HAVCR1: variants seen among roughly 807,000 people sequenced by gnomAD.
The protein encoded by HAVCR1 is hepatitis A virus cellular receptor 1.
A neutral mutation model predicts 32.0 loss-of-function variants in HAVCR1; 34 were observed. That is an observed-to-expected ratio of 1.06 (90% CI 0.81 to 1.42). HAVCR1 has a LOEUF of 1.42. Ranked by LOEUF, HAVCR1 falls within the 40% of genes most tolerant of loss-of-function variation. The pLI is 0.00. For synonymous variants in HAVCR1, 178 were observed against 170.3 expected (o/e 1.05, Z -0.35); for missense variants, 420 against 442.3 (o/e 0.95, Z 0.45).
intron 5 of HAVCR1, among the ~76,000 whole-genome samples, chr5:157,047,661 C>T (rs1755485515): frequency 6.6e-6 from 1 of 152,162 alleles, no homozygotes; most frequent in African/African-American, 2.4e-5. Context: ...GAACCCTTTC[C>T]CATATACCTC....
intron 4 of HAVCR1, among the ~76,000 whole-genome samples, chr5:157,051,882 G>GCAT (rs1328045318): frequency 6.6e-6 from 1 of 152,200 alleles, no homozygotes; most frequent in Non-Finnish European, 1.5e-5. Context: ...AATGCATGAG[G>GCAT]CATGGTGCCT....
At chr5:157,032,928 C>T (rs1239831706) in intron 7 of HAVCR1, 41 bp from the exon 8 acceptor site, 1 of 1,180,154 alleles carries the variant, frequency 8.5e-7, no homozygotes, top group African/African-American at 1.6e-5. Flanking sequence ...GAAGAGAAAA[C>T]TAAACATCTC....
At chr5:157,032,918 G>A in intron 7 of HAVCR1, 31 bp from the exon 8 acceptor site, 1 of 1,424,490 alleles carries the variant, frequency 7.0e-7, no homozygotes, top group Non-Finnish European at 9.6e-7. Context: ...GAGAGGAGTT[G>A]AAGAGAAAAC....
Position 157,055,188 on chromosome 5 carries a change from A to C in HAVCR1, c.379+13T>G. On this transcript the variant is annotated intron_variant, in intron 3 of 8. Coordinates refer to ENST00000523175, the MANE Select transcript of HAVCR1 (RefSeq NM_001173393.3). The stretch of plus-strand genomic sequence containing the variant: ...TTCAATTAACTAGCAAGAAATATCA[A>C]AGAAAAACTTACGTGGCACAATCTC... The C allele has an allele frequency of 1.4e-6, 2 of 1,394,452 alleles. No individual in the cohort carries two copies. The highest frequency in any genetic ancestry group is 2.0e-6 in the Non-Finnish European group (2 of 1,023,906). 86.4% of individuals were successfully genotyped at this position (1,394,452 alleles called of 1,614,324 possible). A position where few individuals can be genotyped will look rare whatever the true frequency, so the allele number is the denominator to read the frequency against.
chr5:157,064,339 C>CAAAAAAAAAAAAAAAAAAAA, the HAVCR1 span, among the ~76,000 whole-genome samples: 1 of 63,384 alleles, frequency 1.6e-5, no homozygotes, highest in African/African-American at 4.5e-5. Flanking sequence ...CCTGTCTCTA[C>CAAAAAAAAAAAAAAAAAAAA]AAAAAAAAAA....
upstream of HAVCR1, among the ~76,000 whole-genome samples, chr5:157,060,638 T>TGGAGTTATTCTGGTAAC (rs1448958486): frequency 6.6e-6 from 1 of 152,108 alleles, no homozygotes; most frequent in Non-Finnish European, 1.5e-5. Flanking sequence ...ATTTTAGTAA[T>TGGAGTTATTCTGGTAAC]GGAGTTATTC....
At chr5:157,066,055 T>TAAAAAAAAAAAAAAAAAAAA in the HAVCR1 span, among the ~76,000 whole-genome samples, 103 of 66,868 alleles carry the variant, frequency 1.5e-3, 4 homozygotes, top group East Asian at 3.7e-3. Flanking sequence ...GACTCCGTCT[T>TAAAAAAAAAAAAAAAAAAAA]AAAAAAAAAA....
At chr5:157,030,205 C>T (rs1265453112) in intron 8 of HAVCR1, among the ~76,000 whole-genome samples, 2 of 152,208 alleles carry the variant, frequency 1.3e-5, no homozygotes, top group Non-Finnish European at 2.9e-5. Flanking sequence ...TGTGGCTAAG[C>T]ATTGGATGAC....
At position 157,055,274 on chromosome 5, in the gene HAVCR1, T is replaced by C. The variant is rs1244870397; in HGVS notation, c.306A>G (p.Val102=). The C allele has an allele frequency of 1.9e-6, 3 of 1,613,002 alleles. No homozygotes were observed. The African/African-American group carries it at 4.0e-5, about 22-fold the overall frequency. ...CACGGTGCTCAACACGGCAACAATA[T>C]ACGCCACTGTCAGACACAGCTGTAT... ...IENTAVSDSG[V]YCCRVEHRGW... Residue 102 remains valine, a synonymous_variant, in exon 3 of 9, where the codon GTA becomes GTG. Coordinates refer to ENST00000523175, the MANE Select transcript of HAVCR1 (RefSeq NM_001173393.3).
At chr5:157,042,501 C>T (rs1313475843) in intron 6 of HAVCR1, 126 bp downstream of exon 6, 1 of 460,022 alleles carries the variant, frequency 2.2e-6, no homozygotes, top group South Asian at 3.4e-5. Context: ...TTTTCTTCAA[C>T]TTTTTTTTAA....
intron 5 of HAVCR1, among the ~76,000 whole-genome samples, chr5:157,048,131 G>A (rs1476875975): frequency 6.6e-6 from 1 of 152,202 alleles, no homozygotes; most frequent in Non-Finnish European, 1.5e-5. Context: ...AGCCCCATCT[G>A]AGAATGCTCA....
the HAVCR1 span, among the ~76,000 whole-genome samples, chr5:157,065,450 G>T: frequency 1.8e-4 from 27 of 152,358 alleles, no homozygotes; most frequent in South Asian, 3.1e-3. Context: ...CAAGCATGTT[G>T]ACTCATGCAG....
chr5:157,048,387 T>G (rs7706174), intron 5 of HAVCR1, among the ~76,000 whole-genome samples: 36,139 of 152,168 alleles, frequency 0.24, 4,698 homozygotes, highest in African/African-American at 0.34. Flanking sequence ...ATCTGTGCAG[T>G]CAGGCATTTG....
At chr5:157,053,388 AAAAAAAG>A (rs754479064) in intron 3 of HAVCR1, among the ~76,000 whole-genome samples, 5 of 151,136 alleles carry the variant, frequency 3.3e-5, no homozygotes, top group Non-Finnish European at 7.4e-5. Flanking sequence ...GTCTTAAAAA[AAAAAAAG>A]AAAAAAAGAA....
rs1352823879 is a variant in HAVCR1, at chr5:157,053,652, C to G, written c.380-998G>C. 2.6e-5 allele frequency among the ~76,000 whole-genome samples: 4 copies of G among 150,976 alleles called. No individual in the cohort carries two copies. The East Asian group carries it at 7.9e-4, about 30-fold the overall frequency. On this transcript the variant is annotated intron_variant, in intron 3 of 8. Transcript: ENST00000523175. ...TGGGAGGCCGAGGCGGGTAGACTGC[C>G]TGAGGTCAGGAGTTTGAGACCAGCT... is the stretch of plus-strand genomic sequence containing the variant.
intron 6 of HAVCR1, 106 bp from the exon 7 acceptor site, chr5:157,037,467 G>T: frequency 1.6e-6 from 1 of 635,426 alleles, no homozygotes. Context: ...ATTGGTGCTT[G>T]GGGACTTCTG....
chr5:157,034,805 C>A (rs895805468), intron 7 of HAVCR1, among the ~76,000 whole-genome samples: 1 of 131,552 alleles, frequency 7.6e-6, no homozygotes, highest in African/African-American at 2.6e-5. Flanking sequence ...CAGCCCTAAT[C>A]CATTAAACCT....
At chr5:157,030,000 G>A (rs1034097846) in intron 8 of HAVCR1, among the ~76,000 whole-genome samples, 159 bp from the exon 9 acceptor site, 3 of 152,088 alleles carry the variant, frequency 2.0e-5, no homozygotes, top group Admixed American at 2.0e-4. Context: ...GCCTTCCAGA[G>A]TTGTAAAAGG....
intron 5 of HAVCR1, among the ~76,000 whole-genome samples, chr5:157,044,440 AAAG>A (rs1561590095): frequency 3.3e-4 from 15 of 45,954 alleles, no homozygotes; most frequent in South Asian, 8.1e-4. Flanking sequence ...AGAAAGAAAG[AAAG>A]AAAGAAAGAA....
Sources: gnomAD v4.1 joint callset for allele counts (sites outside exome capture counted in the v4.1 genomes callset) on GRCh38, gnomAD v4.1.1 for gene constraint, MANE v1.5 for transcripts, NCBI Gene and HGNC (gene_info 2026-07-23, HGNC 2026-07-21) for gene names.